Variants in CEP78 observed in about 807,000 individuals in gnomAD.
CEP78 encodes centrosomal protein of 78 kDa.
CEP78 carries 76 observed loss-of-function variants against 81.2 expected under a neutral mutation model. That is an observed-to-expected ratio of 0.94 (90% confidence interval 0.78 to 1.13). The LOEUF is 1.13. Ranked by LOEUF, CEP78 falls within the 50% of genes most tolerant of loss-of-function variation. CEP78 has a pLI of 0.00. For missense variants in CEP78, 918 were observed against 846.8 expected (o/e 1.08, Z -1.04); for synonymous variants, 293 against 301.4 (o/e 0.97, Z 0.29).
chr9:78,243,835 A>G (rs1168686646), intron 5 of CEP78, among the ~76,000 whole-genome samples, 199 bp downstream of exon 5: 3 of 150,192 alleles, frequency 2.0e-5, no homozygotes, highest in Non-Finnish European at 3.0e-5. Context: ...AAAAAAAAGT[A>G]CATATAATCT....
intron 11 of CEP78, among the ~76,000 whole-genome samples, chr9:78,255,286 A>G (rs1826966346): frequency 6.6e-6 from 1 of 152,216 alleles, no homozygotes; most frequent in Non-Finnish European, 1.5e-5. Flanking sequence ...GAATGTAACC[A>G]GCTGATTCAG....
At chr9:78,242,713 T>C (rs1483681195) in intron 4 of CEP78, among the ~76,000 whole-genome samples, 1 of 152,220 alleles carries the variant, frequency 6.6e-6, no homozygotes, top group Admixed American at 6.5e-5. Flanking sequence ...CAGAATGTAA[T>C]GAGATTTTTT....
At position 78,272,509 on chromosome 9, in the gene CEP78, A is replaced by G. The variant is rs564986988; in HGVS notation, c.*1658A>G. 6.6e-5 allele frequency: 10 copies of G among 152,354 alleles called. No homozygotes were observed. The highest frequency in any genetic ancestry group is 2.0e-4 in the Admixed American group (3 of 15,300). The allele number at this position is 152,354 out of a possible 1,614,324, so 9.4% of individuals were successfully genotyped here. ...AAGTCCAACCAAAGTTCTAGGTTTGAACATGAATGGAGGCATGGCAGGACA... is the reference window on the plus strand; with the variant it reads ...AAGTCCAACCAAAGTTCTAGGTTTGGACATGAATGGAGGCATGGCAGGACA... On this transcript the variant is annotated 3_prime_UTR_variant, in exon 17 of 17. Coordinates refer to ENST00000643273, the MANE Select transcript of CEP78 (RefSeq NM_001330691.3).
intron 6 of CEP78, among the ~76,000 whole-genome samples, chr9:78,246,990 A>G (rs1826521971): frequency 6.6e-6 from 1 of 152,242 alleles, no homozygotes; most frequent in African/African-American, 2.4e-5. Flanking sequence ...AATAGGAGTG[A>G]ACCTAGATAA....
chr9:78,236,512 C>G lies in CEP78; in HGVS notation c.162C>G (p.Asp54Glu). The G allele has an allele frequency of 6.2e-7, 1 of 1,606,598 alleles. No homozygotes were observed. Among genetic ancestry groups the G allele is most frequent in the Non-Finnish European group, 8.5e-7 (1 of 1,176,564 alleles). ...DFNADRLRGV[D>E]WAPLLSTLKI... ...ACGCCGACCGCCTCCGCGGGGTGGA[C>G]TGGGCGCCTCTGCTGAGCACCCTCA... is the stretch of plus-strand genomic sequence containing the variant. Residue 54 changes from aspartate to glutamate, a missense_variant, in exon 1 of 17, where the codon GAC (aspartate) becomes GAG (glutamate). Transcript: ENST00000643273.
At chr9:78,264,071 T>C in intron 12 of CEP78, 79 bp from the exon 13 acceptor site, 1 of 1,015,536 alleles carries the variant, frequency 9.8e-7, no homozygotes, top group Non-Finnish European at 1.4e-6. Flanking sequence ...TTTTAAAATG[T>C]TTTATTTTAG....
At chr9:78,264,893 T>C (rs1430180106) in intron 13 of CEP78, among the ~76,000 whole-genome samples, 2 of 152,180 alleles carry the variant, frequency 1.3e-5, no homozygotes, top group Non-Finnish European at 2.9e-5. Flanking sequence ...CAAGAATGAT[T>C]TTGCTGAACG....
At chr9:78,260,812 G>T (rs186714022) in intron 11 of CEP78, among the ~76,000 whole-genome samples, 11 of 151,898 alleles carry the variant, frequency 7.2e-5, no homozygotes, top group Non-Finnish European at 1.2e-4. Flanking sequence ...CAGCATACTC[G>T]GGTTATTCCA....
chr9:78,264,427 A>G, intron 13 of CEP78, 111 bp downstream of exon 13: 2 of 759,988 alleles, frequency 2.6e-6, no homozygotes, highest in Non-Finnish European at 2.1e-6. Flanking sequence ...CTGTGTAATT[A>G]TAAGTAATAC....
intron 15 of CEP78, among the ~76,000 whole-genome samples, chr9:78,266,182 T>A (rs1827520112): frequency 6.6e-6 from 1 of 152,160 alleles, no homozygotes; most frequent in African/African-American, 2.4e-5. Context: ...ACTAATTTTC[T>A]TATAGAATAA....
chr9:78,254,768 G>C, intron 10 of CEP78, 68 bp from the exon 11 acceptor site: 1 of 1,284,812 alleles, frequency 7.8e-7, no homozygotes, highest in South Asian at 1.3e-5. Flanking sequence ...AGATCACTTT[G>C]ATTAGATGTC....
intron 14 of CEP78, 90 bp from the exon 15 acceptor site, chr9:78,265,769 A>G (rs532343389): frequency 7.6e-6 from 6 of 790,680 alleles, no homozygotes; most frequent in Non-Finnish European, 1.3e-5. Context: ...GATTTAAAGT[A>G]GACTATCCTC....
intron 11 of CEP78, among the ~76,000 whole-genome samples, chr9:78,257,317 T>C (rs1253090444): frequency 6.6e-6 from 1 of 152,140 alleles, no homozygotes; most frequent in African/African-American, 2.4e-5. Flanking sequence ...TTAAAATAAT[T>C]GACAACCTGG....
chr9:78,244,105 T>C (rs1425326810), intron 5 of CEP78, among the ~76,000 whole-genome samples: 2 of 151,822 alleles, frequency 1.3e-5, no homozygotes, highest in Non-Finnish European at 2.9e-5. Context: ...AAACTCCTTA[T>C]GTATACATCT....
chr9:78,265,738 A>G (rs1418480334), intron 14 of CEP78, 121 bp from the exon 15 acceptor site: 1 of 754,198 alleles, frequency 1.3e-6, no homozygotes, highest in African/African-American at 1.8e-5. Context: ...AAAAAATAAG[A>G]AAGTTCTTTT....
intron 16 of CEP78, among the ~76,000 whole-genome samples, chr9:78,269,746 A>G (rs2118520683): frequency 6.6e-6 from 1 of 152,336 alleles, no homozygotes; most frequent in Non-Finnish European, 1.5e-5. Flanking sequence ...AAAACTAGGT[A>G]TAGGACTACT....
chr9:78,253,172 A>G, intron 9 of CEP78, 60 bp from the exon 10 acceptor site: 3 of 757,524 alleles, frequency 4.0e-6, no homozygotes, highest in Non-Finnish European at 7.1e-6. Flanking sequence ...GTTATTACCT[A>G]GTGTTAACTG....
In CEP78 at chr9:78,255,833, C is replaced by T. The variant is rs1826996385; in HGVS notation, c.1380+869C>T. Among the ~76,000 whole-genome samples, 3 of 152,142 alleles carry T rather than the reference C, an allele frequency of 2.0e-5. No homozygotes were observed. In the South Asian group the frequency reaches 6.2e-4, roughly 31 times the overall value. ...GAGGAAAAACAAAATCCTAGAATGT[C>T]TGATTCATGTTCATTATTGTTTTAA... On this transcript the variant is annotated intron_variant, in intron 11 of 16. Coordinates refer to ENST00000643273, the MANE Select transcript of CEP78 (RefSeq NM_001330691.3).
chr9:78,240,514 C>CT, intron 3 of CEP78, 150 bp downstream of exon 3: 2 of 695,618 alleles, frequency 2.9e-6, no homozygotes, highest in South Asian at 3.5e-5. Flanking sequence ...ACCATGAAAG[C>CT]TTGGCATGCT....
Sources: gnomAD v4.1 joint callset for allele counts (sites outside exome capture counted in the v4.1 genomes callset) on GRCh38, gnomAD v4.1.1 for gene constraint, MANE v1.5 for transcripts, NCBI Gene and HGNC (gene_info 2026-07-23, HGNC 2026-07-21) for gene names.